The following PTBP2 variants were observed in gnomAD, a reference collection of about 807,000 sequenced individuals.
The protein encoded by PTBP2 is polypyrimidine tract binding protein 2.
A neutral mutation model predicts 61.4 loss-of-function variants in PTBP2; 13 were observed. The ratio of observed to expected loss-of-function variants is 0.21; its 90% CI spans 0.14 to 0.34. PTBP2 has a LOEUF of 0.34. PTBP2 is among the 10% of genes least tolerant of loss of function. PTBP2 has a pLI of 1.00. For synonymous variants in PTBP2, 215 were observed against 218.5 expected (o/e 0.98, Z 0.14); for missense variants, 405 against 642.6 (o/e 0.63, Z 4.00).
At chr1:96,722,367 G>T (rs1285107491) in intron 1 of PTBP2, among the ~76,000 whole-genome samples, 2 of 151,974 alleles carry the variant, frequency 1.3e-5, no homozygotes, top group Non-Finnish European at 2.9e-5. Flanking sequence ...CTCCGGCCTC[G>T]CCCGGCCCTC....
chr1:96,765,527 A>G (rs1656582453), intron 3 of PTBP2, among the ~76,000 whole-genome samples: 1 of 152,156 alleles, frequency 6.6e-6, no homozygotes, highest in African/African-American at 2.4e-5. Flanking sequence ...CCTGGCCAAC[A>G]TGGTGAAACC....
chr1:96,744,377 A>G (rs1331612459), intron 2 of PTBP2, among the ~76,000 whole-genome samples: 5 of 152,156 alleles, frequency 3.3e-5, no homozygotes, highest in Non-Finnish European at 5.9e-5. Context: ...GAAAATGTCA[A>G]TGGGGTTATC....
intron 3 of PTBP2, 55 bp from the exon 4 acceptor site, chr1:96,769,648 A>T: frequency 8.0e-7 from 1 of 1,252,564 alleles, no homozygotes; most frequent in Non-Finnish European, 1.0e-6. Context: ...AAATAGGAAA[A>T]TTCATACATT....
At chr1:96,784,379 A>G (rs1209855966) in intron 7 of PTBP2, among the ~76,000 whole-genome samples, 1 of 152,048 alleles carries the variant, frequency 6.6e-6, no homozygotes, top group Non-Finnish European at 1.5e-5. Context: ...AGGTCAAATA[A>G]CTTGCTTAAG....
intron 3 of PTBP2, among the ~76,000 whole-genome samples, chr1:96,754,727 A>G (rs1211762457): frequency 6.6e-6 from 1 of 152,154 alleles, no homozygotes; most frequent in Non-Finnish European, 1.5e-5. Flanking sequence ...CTGATTTTTG[A>G]CAAAGGTGCA....
intron 11 of PTBP2, among the ~76,000 whole-genome samples, chr1:96,810,060 G>A (rs1053470065): frequency 1.3e-5 from 2 of 149,220 alleles, no homozygotes; most frequent in Non-Finnish European, 3.0e-5. Context: ...CATTGATAAA[G>A]CTCCAGTTTC....
At chr1:96,748,095 T>C (rs1376451258) in intron 2 of PTBP2, among the ~76,000 whole-genome samples, 2 of 152,198 alleles carry the variant, frequency 1.3e-5, no homozygotes, top group Non-Finnish European at 2.9e-5. Context: ...TCCTCTCTGA[T>C]AATCTATTTT....
intron 3 of PTBP2, among the ~76,000 whole-genome samples, chr1:96,769,050 A>G (rs1341995248): frequency 6.6e-6 from 1 of 152,044 alleles, no homozygotes; most frequent in Non-Finnish European, 1.5e-5. Context: ...AAATTACAAG[A>G]TACAGTCATA....
rs534312592 is a variant in PTBP2, at chr1:96,774,411, T to C, written c.433-3174T>C. On this transcript the variant is annotated intron_variant, in intron 5 of 13. Coordinates refer to ENST00000674951, the MANE Select transcript of PTBP2 (RefSeq NM_021190.4). ...ATTCATTTTCTGTGTTCCAGGAATT[T>C]GATAAAATTATTCTCAGCTAATGAT... is the stretch of plus-strand genomic sequence containing the variant. 9.2e-5 allele frequency among the ~76,000 whole-genome samples: 14 copies of C among 151,824 alleles called. No homozygotes were observed. The South Asian group carries it at 2.9e-3, about 31-fold the overall frequency.
chr1:96,744,449 C>G (rs1433682213), intron 2 of PTBP2, among the ~76,000 whole-genome samples: 1 of 151,904 alleles, frequency 6.6e-6, no homozygotes, highest in African/African-American at 2.4e-5. Context: ...TTAAAATATG[C>G]AATAAATGCT....
At chr1:96,764,684 T>C (rs982952639) in intron 3 of PTBP2, among the ~76,000 whole-genome samples, 1 of 152,246 alleles carries the variant, frequency 6.6e-6, no homozygotes, top group African/African-American at 2.4e-5. Context: ...TGCTATAATG[T>C]TTTGAAAGTA....
At chr1:96,791,830 T>TTTTTGTTTTTTTTTTG (rs796570591) in intron 8 of PTBP2, among the ~76,000 whole-genome samples, 129 of 129,740 alleles carry the variant, frequency 9.9e-4, no homozygotes, top group African/African-American at 4.1e-3. Flanking sequence ...GTTGTGCTTT[T>TTTTTGTTTTTTTTTTG]TTTTTTTTTT....
intron 8 of PTBP2, among the ~76,000 whole-genome samples, chr1:96,788,521 T>C (rs1659447365): frequency 6.6e-6 from 1 of 152,094 alleles, no homozygotes; most frequent in Admixed American, 6.5e-5. Flanking sequence ...AATCTTTTCT[T>C]CTAATTATTT....
chr1:96,775,309 T>C (rs1657909106), intron 5 of PTBP2, among the ~76,000 whole-genome samples: 1 of 152,248 alleles, frequency 6.6e-6, no homozygotes, highest in Non-Finnish European at 1.5e-5. Context: ...TGAGAACATG[T>C]ACATAGGTAT....
At chr1:96,811,770 T>C (rs934205723) in intron 11 of PTBP2, among the ~76,000 whole-genome samples, 5 of 152,234 alleles carry the variant, frequency 3.3e-5, no homozygotes, top group African/African-American at 1.2e-4. Context: ...ACCTTCAGTT[T>C]AGCCAAAGTG....
At chr1:96,820,506 A>G (rs1014935517) in exon 14 of PTBP2, 2 of 151,298 alleles carry the variant, frequency 1.3e-5, no homozygotes, top group African/African-American at 4.9e-5. Context: ...CAGCTGTGTA[A>G]GAAATATATA....
At chr1:96,773,962 CAAA>C (rs11449316) in intron 5 of PTBP2, among the ~76,000 whole-genome samples, 9 of 84,988 alleles carry the variant, frequency 1.1e-4, no homozygotes, top group East Asian at 3.1e-4. Context: ...GACTCTGTCT[CAAA>C]AAAAAAAAAA....
chr1:96,724,376 G>C (rs1447691019), intron 2 of PTBP2, among the ~76,000 whole-genome samples: 3 of 151,978 alleles, frequency 2.0e-5, no homozygotes, highest in Admixed American at 6.6e-5. Context: ...TCAGCCTCCT[G>C]AGTAGCTGGG....
At chr1:96,779,570 T>C (rs1175994443) in intron 7 of PTBP2, among the ~76,000 whole-genome samples, 1 of 152,090 alleles carries the variant, frequency 6.6e-6, no homozygotes, top group Non-Finnish European at 1.5e-5. Flanking sequence ...TGTGAACAGA[T>C]ACTAAGCATC....
Sources: gnomAD v4.1 joint callset for allele counts (sites outside exome capture counted in the v4.1 genomes callset) on GRCh38, gnomAD v4.1.1 for gene constraint, MANE v1.5 for transcripts, NCBI Gene and HGNC (gene_info 2026-07-23, HGNC 2026-07-21) for gene names.